The following MGAT3 variants were observed in gnomAD, a reference collection of about 807,000 sequenced individuals.
MGAT3 encodes GlcNAc-T III.
In MGAT3, 9 loss-of-function variants were observed where a neutral mutation model predicts 29.8. The observed-to-expected ratio is 0.30, with a 90% CI of 0.18 to 0.53. MGAT3 has a LOEUF of 0.53. Ranked by LOEUF, MGAT3 falls within the 20% of genes least tolerant of loss-of-function variation. MGAT3 has a pLI of 0.96. For synonymous variants in MGAT3, 397 were observed against 348.9 expected (o/e 1.14, Z -1.54); for missense variants, 557 against 769.5 (o/e 0.72, Z 3.27).
intron 1 of MGAT3, among the ~76,000 whole-genome samples, chr22:39,473,682 G>A (rs989346910): frequency 2.6e-5 from 4 of 152,156 alleles, no homozygotes; most frequent in African/African-American, 9.7e-5. Flanking sequence ...CAGGCTAGCT[G>A]GAGGCCAGGA....
rs775151614 is a variant in MGAT3 at position 39,488,825 on chromosome 22, G to A, written c.1478G>A (p.Arg493Gln). Residue 493 changes from arginine to glutamine, a missense_variant, in exon 2 of 2, where the codon CGG (arginine) becomes CAG (glutamine). Coordinates refer to ENST00000341184, the MANE Select transcript of MGAT3 (RefSeq NM_002409.5). ...AAGTACCTGCTGAAGAACTACGACC[G>A]GTTCCACTACCTGCTGGACAACCCC... ...APKYLLKNYD[R>Q]FHYLLDNPYQ... 4 of 1,609,410 alleles carry A rather than the reference G, an allele frequency of 2.5e-6. No homozygotes were observed. Among genetic ancestry groups the A allele is most frequent in the South Asian group, 2.2e-5 (2 of 90,412 alleles).
chr22:39,487,821 C>A lies in MGAT3; in HGVS notation c.474C>A (p.Arg158=). 1 of 1,501,042 alleles carries A rather than the reference C, an allele frequency of 6.7e-7. No homozygotes were observed. 93.0% of individuals were successfully genotyped at this position (1,501,042 alleles called of 1,614,324 possible). A position where few individuals can be genotyped will look rare whatever the true frequency, so the allele number is the denominator to read the frequency against. The change falls in exon 2 of 2, where the codon CGC becomes CGA. Residue 158 remains arginine (R), a synonymous_variant. Coordinates refer to ENST00000341184, the MANE Select transcript of MGAT3 (RefSeq NM_002409.5). The surrounding 1 kb of genome is among the most constrained non-coding windows in gnomAD (Gnocchi z 5.7). ...GGTACCTCCTGAGCGCCCGGGAGCG[C>A]ACGGGGGGCCGAGGCGCCCGGCGCA... is the stretch of plus-strand genomic sequence containing the variant. ...PPRYLLSARE[R]TGGRGARRKW... is the part of the protein sequence containing the mutation.
At position 39,488,835 on chromosome 22, in the gene MGAT3, C is replaced by A; in HGVS notation, c.1488C>A (p.Tyr496Ter). 6.2e-7 allele frequency: 1 copy of A among 1,609,040 alleles called. No homozygotes were observed. Among genetic ancestry groups the A allele is most frequent in the African/African-American group, 1.3e-5 (1 of 74,986 alleles). ...TGAAGAACTACGACCGGTTCCACTA[C>A]CTGCTGGACAACCCCTACCAGGAGC... ...YLLKNYDRFH[Y>*]LLDNPYQEPR... Residue 496 changes from tyrosine to a stop codon, truncating the protein, a stop_gained, in exon 2 of 2, where the codon TAC becomes TAA. Coordinates refer to ENST00000341184, the MANE Select transcript of MGAT3 (RefSeq NM_002409.5). LOFTEE classifies it low-confidence loss of function (END_TRUNC).
At chr22:39,474,058 C>T (rs990520869) in intron 1 of MGAT3, among the ~76,000 whole-genome samples, 3 of 152,056 alleles carry the variant, frequency 2.0e-5, no homozygotes, top group Admixed American at 6.5e-5. Flanking sequence ...GCGCACTGTC[C>T]AGGGTGACCC....
chr22:39,490,933 G>GGTCT lies in MGAT3; in HGVS notation c.*2001_*2004dup, dbSNP rs1028319287. The GGTCT allele has an allele frequency of 3.6e-5, 6 of 166,902 alleles. No homozygotes were observed. Among genetic ancestry groups the GGTCT allele is most frequent in the Non-Finnish European group, 7.3e-5 (5 of 68,124 alleles). The allele number at this position is 166,902 out of a possible 1,614,324, so 10.3% of individuals were successfully genotyped here. A position where few individuals can be genotyped will look rare whatever the true frequency, so the allele number is the denominator to read the frequency against. ...GAAAGCAAAGCTAAAGGGGATGCAG[G>GGTCT]GTCTGTCTGTCTGTCTGTCTTTCAG... On this transcript the variant is annotated 3_prime_UTR_variant, in exon 2 of 2. Coordinates refer to ENST00000341184, the MANE Select transcript of MGAT3 (RefSeq NM_002409.5).
intron 1 of MGAT3, among the ~76,000 whole-genome samples, chr22:39,458,237 G>A (rs960026925): frequency 1.3e-5 from 2 of 152,158 alleles, no homozygotes; most frequent in Admixed American, 1.3e-4. Context: ...AGTGGGGAGG[G>A]GAGTGCGCCT....
At chr22:39,482,494 A>G (rs1214236207) in intron 1 of MGAT3, among the ~76,000 whole-genome samples, 1 of 152,210 alleles carries the variant, frequency 6.6e-6, no homozygotes, top group Non-Finnish European at 1.5e-5. Flanking sequence ...CTTTGGGGAA[A>G]GTCTTGCCAT....
intron 1 of MGAT3, among the ~76,000 whole-genome samples, chr22:39,475,128 C>CTTTTTTTTTTTTTTTTTTTTTTTTTTT (rs58543840): frequency 1.7e-5 from 2 of 118,798 alleles, no homozygotes; most frequent in African/African-American, 7.4e-5. Context: ...GCTTGCCAGG[C>CTTTTTTTTTTTTTTTTTTTTTTTTTTT]TTTTTTTTTT....
In MGAT3 at chr22:39,474,994, G is replaced by C. The variant is rs1462621029; in HGVS notation, c.-1-12353G>C. ...CGAGATGGAAAAGCCCCAGCCCAGCGCCCCTGCCTTCCTGGAGTCAGAGAG... is the reference window on the plus strand; with the variant it reads ...CGAGATGGAAAAGCCCCAGCCCAGCCCCCCTGCCTTCCTGGAGTCAGAGAG... On this transcript the variant is annotated intron_variant, in intron 1 of 1. Coordinates refer to ENST00000341184, the MANE Select transcript of MGAT3 (RefSeq NM_002409.5). Among the ~76,000 whole-genome samples, 3 of 152,196 alleles carry C rather than the reference G, an allele frequency of 2.0e-5. No individual in the cohort carries two copies. The South Asian group carries it at 6.2e-4, about 32-fold the overall frequency.
chr22:39,470,578 G>C (rs1928779830), intron 1 of MGAT3, among the ~76,000 whole-genome samples: 1 of 152,208 alleles, frequency 6.6e-6, no homozygotes, highest in Admixed American at 6.5e-5. Flanking sequence ...GGTGACTCTG[G>C]CTGCTGCAGA....
intron 1 of MGAT3, among the ~76,000 whole-genome samples, chr22:39,483,971 T>A (rs1332046342): frequency 6.6e-6 from 1 of 152,152 alleles, no homozygotes; most frequent in Non-Finnish European, 1.5e-5. Context: ...CTGCCCTGAT[T>A]GTCGGGATCA....
chr22:39,486,143 AATTT>A, intron 1 of MGAT3: 1 of 357,862 alleles, frequency 2.8e-6, no homozygotes, highest in South Asian at 1.8e-5. Flanking sequence ...ATAGACCTCA[AATTT>A]TTTTTTTTTT....
rs1398187980 is a variant in MGAT3 at position 39,488,347 on chromosome 22, G to C, written c.1000G>C (p.Asp334His). 2 of 1,612,428 alleles carry C rather than the reference G, an allele frequency of 1.2e-6. No individual in the cohort carries two copies. Among genetic ancestry groups the C allele is most frequent in the Non-Finnish European group, 1.7e-6 (2 of 1,180,032 alleles). Residue 334 changes from aspartate to histidine, a missense_variant, in exon 2 of 2, where the codon GAT becomes CAT. Physicochemically the swap from Asp to His is moderately conservative, Grantham distance 81. This residue lies in a region of MGAT3 where 243 missense variants were observed against 444.0 expected (regional missense o/e 0.55). Transcript: ENST00000341184. Reference protein sequence around the residue: ...RDGVLFLKLYDGWTEPFAFHM... With the variant: ...RDGVLFLKLYHGWTEPFAFHM... ...CGGCGTCCTTTTCCTCAAGCTCTAC[G>C]ATGGCTGGACCGAGCCCTTCGCCTT... is the stretch of plus-strand genomic sequence containing the variant.
intron 1 of MGAT3, among the ~76,000 whole-genome samples, chr22:39,462,119 T>C (rs1310985549): frequency 6.6e-6 from 1 of 152,106 alleles, no homozygotes; most frequent in African/African-American, 2.4e-5. Flanking sequence ...CCAGATGTTC[T>C]CAAGCTCCTG....
intron 1 of MGAT3, among the ~76,000 whole-genome samples, chr22:39,484,369 G>T (rs928890705): frequency 2.6e-4 from 40 of 151,350 alleles, no homozygotes; most frequent in African/African-American, 9.0e-4. Flanking sequence ...GTTTTTTTTT[G>T]TTTGTTTGTT....
rs768261467 is a variant in MGAT3 at position 39,487,730 on chromosome 22, CG to C, written c.384del (p.Pro130ArgfsTer24). 3.2e-6 allele frequency: 5 copies of C among 1,555,200 alleles called. No homozygotes were observed. The highest frequency in any genetic ancestry group is 2.1e-5 in the Admixed American group (1 of 48,768). On this transcript the variant is annotated frameshift_variant, in exon 2 of 2. Coordinates refer to ENST00000341184, the MANE Select transcript of MGAT3 (RefSeq NM_002409.5). LOFTEE classifies it high-confidence loss of function. This position sits in a 1 kb window ranked among gnomAD's most constrained non-coding sequence, Gnocchi z 5.7. Reference protein sequence around the residue: ...FKPGTKMLERPPPGRPEEKPE... With the variant: ...FKPGTKMLERXPPGRPEEKPE... ...CCCGGCACCAAGATGCTGGAGAGGC[CG>C]CCCCCGGGACGGCCGGAGGAGAAGC...
At position 39,488,076 on chromosome 22, in the gene MGAT3, G is replaced by C. The variant is rs751903670; in HGVS notation, c.729G>C (p.Thr243=). 3.1e-6 allele frequency: 5 copies of C among 1,612,132 alleles called. No individual in the cohort carries two copies. Among genetic ancestry groups the C allele is most frequent in the Non-Finnish European group, 4.2e-6 (5 of 1,178,936 alleles). ...TTGTGGTGTGCGAGTCCAACTTCAC[G>C]GCTTATGGGGAGCCGCGGCCGCTCA... ...DAFVVCESNF[T]AYGEPRPLKF... The change falls in exon 2 of 2, where the codon ACG becomes ACC. Residue 243 remains threonine, a synonymous_variant. Transcript: ENST00000341184.
rs535763994 is a variant in MGAT3 at position 39,487,840 on chromosome 22, C to T, written c.493C>T (p.Arg165Trp). 5.9e-6 allele frequency: 9 copies of T among 1,516,064 alleles called. No homozygotes were observed. The Admixed American group carries it at 6.6e-5, about 11-fold the overall frequency. The allele number at this position is 1,516,064 out of a possible 1,614,324, so 93.9% of individuals were successfully genotyped here. The change falls in exon 2 of 2, where the codon CGG becomes TGG. Residue 165 changes from arginine to tryptophan, a missense_variant. Arg to Trp is a moderately radical substitution (Grantham distance 101). Coordinates refer to ENST00000341184, the MANE Select transcript of MGAT3 (RefSeq NM_002409.5). This position sits in a 1 kb window ranked among gnomAD's most constrained non-coding sequence, Gnocchi z 5.7. ...GGAGCGCACGGGGGGCCGAGGCGCCCGGCGCAAGTGGGTGGAGTGCGTGTG... is the reference window on the plus strand; with the variant it reads ...GGAGCGCACGGGGGGCCGAGGCGCCTGGCGCAAGTGGGTGGAGTGCGTGTG... ...ARERTGGRGA[R>W]RKWVECVCLP...
chr22:39,480,009 C>T (rs558310511), intron 1 of MGAT3, among the ~76,000 whole-genome samples: 1 of 152,296 alleles, frequency 6.6e-6, no homozygotes, highest in Non-Finnish European at 1.5e-5. Flanking sequence ...TAATGATACC[C>T]ATTTTATACA....
Sources: allele counts gnomAD v4.1 joint callset (sites outside exome capture counted in the v4.1 genomes callset), GRCh38; gene constraint gnomAD v4.1.1; regional missense constraint gnomAD v4.1.1; non-coding constraint Gnocchi (gnomAD v3.1); transcripts MANE v1.5; gene names NCBI Gene and HGNC (gene_info 2026-07-23, HGNC 2026-07-21).